SLC24A2: variants seen among roughly 807,000 people sequenced by gnomAD.
SLC24A2 encodes solute carrier family 24 member 2, also known as sodium/potassium/calcium exchanger 2.
In SLC24A2, 36 loss-of-function variants were observed where a neutral mutation model predicts 62.0. The observed-to-expected ratio is 0.58, with a 90% confidence interval of 0.44 to 0.77. The LOEUF is 0.77. Among genes scored for constraint, SLC24A2 ranks in the 30% least tolerant of loss-of-function variants. The pLI is 0.00. For synonymous variants in SLC24A2, 358 were observed against 294.0 expected (o/e 1.22, Z -2.23); for missense variants, 846 against 817.9 (o/e 1.03, Z -0.42).
chr9:19,957,528 C>T, the SLC24A2 span: 1 of 152,222 alleles, frequency 6.6e-6, no homozygotes, highest in African/African-American at 2.4e-5. Context: ...TAGGTCAGTT[C>T]CACTGGGAAG....
At chr9:19,981,330 A>C in the SLC24A2 span, among the ~76,000 whole-genome samples, 3 of 152,188 alleles carry the variant, frequency 2.0e-5, no homozygotes, top group South Asian at 6.2e-4. Flanking sequence ...AAGCAGAACA[A>C]AATAGAATCT....
At chr9:20,019,158 A>C in the SLC24A2 span, among the ~76,000 whole-genome samples, 25 of 143,512 alleles carry the variant, frequency 1.7e-4, 2 homozygotes, top group Admixed American at 1.5e-3. Flanking sequence ...AGAAAGAAAG[A>C]GAGAGAGACA....
At chr9:19,855,018 G>A in the SLC24A2 span, among the ~76,000 whole-genome samples, 7 of 152,138 alleles carry the variant, frequency 4.6e-5, no homozygotes, top group Non-Finnish European at 8.8e-5. Context: ...TCTTCTTGTT[G>A]AATTGAACCC....
chr9:19,802,831 T>C, the SLC24A2 span, among the ~76,000 whole-genome samples: 1 of 152,166 alleles, frequency 6.6e-6, no homozygotes, highest in Admixed American at 6.5e-5. Flanking sequence ...CCTCAAAACA[T>C]ATATATTGAA....
At chr9:19,897,213 C>A in the SLC24A2 span, among the ~76,000 whole-genome samples, 12 of 152,276 alleles carry the variant, frequency 7.9e-5, no homozygotes, top group Admixed American at 1.3e-4. Flanking sequence ...TCTTATCTAC[C>A]TTTTTGCTTT....
chr9:19,723,517 T>C (rs1821087212), intron 2 of SLC24A2, among the ~76,000 whole-genome samples: 1 of 152,148 alleles, frequency 6.6e-6, no homozygotes, highest in African/African-American at 2.4e-5. Flanking sequence ...AGCTGTGTCT[T>C]TCATCGTCTC....
At chr9:20,097,322 A>G in the SLC24A2 span, among the ~76,000 whole-genome samples, 9 of 152,244 alleles carry the variant, frequency 5.9e-5, no homozygotes, top group African/African-American at 2.2e-4. Flanking sequence ...TGTTTTTAAT[A>G]CCCTTCAACC....
the SLC24A2 span, among the ~76,000 whole-genome samples, chr9:20,122,327 A>C: frequency 5.5e-4 from 84 of 152,272 alleles, no homozygotes; most frequent in Non-Finnish European, 1.1e-3. Context: ...TCAGGCATAC[A>C]AGGGAAAGCA....
chr9:19,824,189 A>G, the SLC24A2 span, among the ~76,000 whole-genome samples: 4 of 152,240 alleles, frequency 2.6e-5, no homozygotes, highest in African/African-American at 4.8e-5. Context: ...TAATTAAACT[A>G]AAGAGCTTCT....
At chr9:19,929,861 G>C in the SLC24A2 span, 1 of 152,080 alleles carries the variant, frequency 6.6e-6, no homozygotes, top group Non-Finnish European at 1.5e-5. Flanking sequence ...GTAGGCTAAT[G>C]TACATGTTTG....
chr9:20,173,266 G>T, the SLC24A2 span, among the ~76,000 whole-genome samples: 1 of 152,008 alleles, frequency 6.6e-6, no homozygotes, highest in Non-Finnish European at 1.5e-5. Context: ...TCTGAGAACT[G>T]GAACAAGACA....
chr9:19,897,470 A>G, the SLC24A2 span, among the ~76,000 whole-genome samples: 1 of 152,184 alleles, frequency 6.6e-6, no homozygotes, highest in Non-Finnish European at 1.5e-5. Flanking sequence ...GAGCAATCAC[A>G]ATTATAGATG....
At chr9:20,019,155 AAGAGAGAGAGAC>A in the SLC24A2 span, among the ~76,000 whole-genome samples, 8 of 117,066 alleles carry the variant, frequency 6.8e-5, no homozygotes, top group Non-Finnish European at 1.3e-4. Context: ...GAAAGAAAGA[AAGAGAGAGAGAC>A]AGAAAGAAAG....
At chr9:20,264,976 G>A in the SLC24A2 span, among the ~76,000 whole-genome samples, 2 of 152,214 alleles carry the variant, frequency 1.3e-5, no homozygotes, top group African/African-American at 4.8e-5. Flanking sequence ...GGCCTATCTA[G>A]GATTCACCCG....
chr9:19,982,132 G>C, the SLC24A2 span, among the ~76,000 whole-genome samples: 1 of 152,136 alleles, frequency 6.6e-6, no homozygotes, highest in African/African-American at 2.4e-5. Flanking sequence ...TCATGGAGGA[G>C]GTGATACTTG....
the SLC24A2 span, among the ~76,000 whole-genome samples, chr9:20,267,428 T>A: frequency 4.0e-4 from 61 of 152,286 alleles, no homozygotes; most frequent in Middle Eastern, 6.8e-3. Flanking sequence ...CTCCTAGTGC[T>A]TGTCTGGCCA....
chr9:20,249,913 C>A, the SLC24A2 span, among the ~76,000 whole-genome samples: 2 of 152,134 alleles, frequency 1.3e-5, no homozygotes, highest in African/African-American at 4.8e-5. Context: ...AGATTCTCCT[C>A]CTGGTTTCAT....
intron 8 of SLC24A2, among the ~76,000 whole-genome samples, chr9:19,542,300 G>A (rs1321401877): frequency 1.3e-5 from 2 of 152,196 alleles, no homozygotes; most frequent in East Asian, 3.8e-4. Flanking sequence ...ATTGTATCCT[G>A]AGGTGCTGAA....
At position 19,516,204 on chromosome 9, in the gene SLC24A2, C is replaced by T; in HGVS notation, c.1935G>A (p.Val645=). The change falls in exon 11 of 11, where the codon GTG becomes GTA. Residue 645 remains valine (V), a synonymous_variant. Transcript: ENST00000341998. ...TTCTGTCTTCTAGGAGAACGCTCAC[C>T]ACCAGGAACACAAAGTAGAGGCCAA... The part of the protein sequence containing the change: ...IMFGLYFVFL[V]VSVLLEDRIL... 6.2e-7 allele frequency: 1 copy of T among 1,614,168 alleles called. No homozygotes were observed. Among genetic ancestry groups the T allele is most frequent in the Non-Finnish European group, 8.5e-7 (1 of 1,180,028 alleles).
Sources: allele counts gnomAD v4.1 joint callset (sites outside exome capture counted in the v4.1 genomes callset), GRCh38; gene constraint gnomAD v4.1.1; transcripts MANE v1.5; gene names NCBI Gene and HGNC (gene_info 2026-07-23, HGNC 2026-07-21).